STYXL1: variants seen among roughly 807,000 people sequenced by gnomAD.
STYXL1 encodes serine/threonine/tyrosine-interacting-like protein 1.
A neutral mutation model predicts 36.4 loss-of-function variants in STYXL1; 32 were observed. The observed-to-expected ratio is 0.88, with a 90% confidence interval of 0.66 to 1.18. STYXL1 has a LOEUF of 1.18. Among genes scored for constraint, STYXL1 ranks in the 50% most tolerant of loss-of-function variants. The pLI, the probability that STYXL1 is intolerant of heterozygous loss-of-function variation, is 0.00. For missense variants in STYXL1, 354 were observed against 394.1 expected (o/e 0.90, Z 0.86); for synonymous variants, 133 against 144.1 (o/e 0.92, Z 0.55).
At chr7:76,021,151 C>T (rs1794013385) in intron 4 of STYXL1, among the ~76,000 whole-genome samples, 1 of 151,486 alleles carries the variant, frequency 6.6e-6, no homozygotes, top group Admixed American at 6.6e-5. Flanking sequence ...GATCTCCGCT[C>T]ACTGCAAGCT....
chr7:76,005,604 T>G (rs1206818401), intron 5 of STYXL1, among the ~76,000 whole-genome samples, 200 bp from the exon 6 acceptor site: 1 of 152,142 alleles, frequency 6.6e-6, no homozygotes, highest in Non-Finnish European at 1.5e-5. Context: ...ACGAAAGGAC[T>G]GAGCCTCATC....
At chr7:76,010,888 G>A (rs1290693215) in intron 5 of STYXL1, among the ~76,000 whole-genome samples, 1 of 152,150 alleles carries the variant, frequency 6.6e-6, no homozygotes, top group East Asian at 1.9e-4. Flanking sequence ...CTACTAGACT[G>A]TCTTTTTACT....
At chr7:76,036,720 A>G (rs1554580776) in intron 1 of STYXL1, among the ~76,000 whole-genome samples, 1 of 149,864 alleles carries the variant, frequency 6.7e-6, no homozygotes, top group East Asian at 2.0e-4. Flanking sequence ...TTCAAAACAG[A>G]GTCAAAATGG....
At chr7:75,999,876 T>A (rs1247600849) in intron 8 of STYXL1, among the ~76,000 whole-genome samples, 1 of 152,014 alleles carries the variant, frequency 6.6e-6, no homozygotes, top group African/African-American at 2.4e-5. Flanking sequence ...CAATTTTTTT[T>A]AAAGTGGTGT....
At chr7:76,004,401 A>AT (rs869180299) in intron 6 of STYXL1, among the ~76,000 whole-genome samples, 6 of 151,226 alleles carry the variant, frequency 4.0e-5, no homozygotes, top group African/African-American at 1.5e-4. Flanking sequence ...AGCCAAAAAA[A>AT]TTTTTTTAAG....
chr7:76,003,646 C>G (rs1462866958), intron 7 of STYXL1, 112 bp downstream of exon 7: 9 of 994,630 alleles, frequency 9.0e-6, no homozygotes, highest in African/African-American at 1.6e-5. Flanking sequence ...GGCCCTTTCT[C>G]TCTAGAGCAT....
chr7:76,008,234 C>G (rs1341485193), intron 5 of STYXL1, among the ~76,000 whole-genome samples: 3 of 107,886 alleles, frequency 2.8e-5, no homozygotes, highest in African/African-American at 1.0e-4. Flanking sequence ...AAAAAAATCT[C>G]AAAGAAGCTC....
At chr7:75,999,746 A>T (rs1418214937) in intron 8 of STYXL1, among the ~76,000 whole-genome samples, 1 of 151,830 alleles carries the variant, frequency 6.6e-6, no homozygotes, top group East Asian at 1.9e-4. Flanking sequence ...GGGTTTCACT[A>T]TGTTGGCCAG....
chr7:76,046,801 C>T (rs554520729), intron 1 of STYXL1, among the ~76,000 whole-genome samples: 104 of 151,754 alleles, frequency 6.9e-4, no homozygotes, highest in African/African-American at 2.4e-3. Context: ...CAGGTGTACA[C>T]CACCACGCTG....
intron 7 of STYXL1, among the ~76,000 whole-genome samples, chr7:76,003,458 A>G (rs1404956113): frequency 2.0e-5 from 3 of 152,198 alleles, no homozygotes; most frequent in Non-Finnish European, 2.9e-5. Context: ...ACTTGTGGGT[A>G]GCCATCACTC....
intron 5 of STYXL1, among the ~76,000 whole-genome samples, chr7:76,011,348 G>A (rs1267359902): frequency 2.0e-5 from 3 of 152,258 alleles, no homozygotes; most frequent in East Asian, 3.9e-4. Context: ...CATTTCACCC[G>A]TAAATATTTT....
intron 5 of STYXL1, among the ~76,000 whole-genome samples, chr7:76,007,608 C>T (rs1310470809): frequency 1.6e-4 from 25 of 151,950 alleles, no homozygotes; most frequent in Admixed American, 1.2e-3. Flanking sequence ...GGAAACAACA[C>T]GTACATTAGC....
intron 4 of STYXL1, among the ~76,000 whole-genome samples, chr7:76,016,441 G>A (rs183163081): frequency 7.1e-4 from 103 of 145,604 alleles, no homozygotes; most frequent in African/African-American, 2.7e-3. Context: ...ACATATATAC[G>A]CATATATACA....
chr7:76,027,222 C>T (rs903779737), intron 3 of STYXL1, among the ~76,000 whole-genome samples: 38 of 151,524 alleles, frequency 2.5e-4, no homozygotes, highest in African/African-American at 8.5e-4. Context: ...ACCCTGGAGG[C>T]GTGGGGAAAA....
At chr7:76,018,067 T>A (rs1554574591) in intron 4 of STYXL1, among the ~76,000 whole-genome samples, 1 of 151,858 alleles carries the variant, frequency 6.6e-6, no homozygotes, top group African/African-American at 2.4e-5. Flanking sequence ...AGAGTCTCAC[T>A]ATGTTGCCCA....
intron 8 of STYXL1, 42 bp downstream of exon 8, chr7:76,000,847 CA>C (rs781987206): frequency 6.3e-7 from 1 of 1,578,060 alleles, no homozygotes; most frequent in South Asian, 1.1e-5. Context: ...CCTCACCTCC[CA>C]GGGGGTGGCC....
At position 76,021,964 on chromosome 7, in the gene STYXL1, G is replaced by A. The variant is rs143620740; in HGVS notation, c.194C>T (p.Ser65Phe). The A allele has an allele frequency of 5.6e-6, 9 of 1,610,720 alleles. No homozygotes were observed. The highest frequency in any genetic ancestry group is 7.6e-6 in the Non-Finnish European group (9 of 1,179,516). ...GTACTTCACACACTCCAGGTCCACA[G>A]ACTCCGGGAGAAGATATTCATTATT... ...KKNNEYLLPE[S>F]VDLECVKYCV... Residue 65 changes from serine to phenylalanine, a missense_variant, in exon 4 of 9, where the codon TCT becomes TTT. By Grantham distance (155) the Ser-to-Phe change is radical. Transcript: ENST00000359697.
Position 76,015,800 on chromosome 7 carries a change from G to A in STYXL1, c.308-1913C>T, listed in dbSNP as rs553230407. Among the ~76,000 whole-genome samples the A allele has an allele frequency of 3.2e-4, 49 of 152,328 alleles. No individual in the cohort carries two copies. In the South Asian group the frequency reaches 3.5e-3, roughly 11 times the overall value. On this transcript the variant is annotated intron_variant, in intron 4 of 8. Coordinates refer to ENST00000359697, the MANE Select transcript of STYXL1 (RefSeq NM_001317785.2). ...ATTAACATTTGAGTCAGTGGACTGG[G>A]AGAGGCAGACCCACCCTCAATCTGA...
At chr7:76,025,620 T>C (rs1554577465) in intron 3 of STYXL1, among the ~76,000 whole-genome samples, 1 of 151,990 alleles carries the variant, frequency 6.6e-6, no homozygotes, top group African/African-American at 2.4e-5. Flanking sequence ...CGAAACTCCA[T>C]CTCTACTAAA....
Sources: allele counts gnomAD v4.1 joint callset (sites outside exome capture counted in the v4.1 genomes callset), GRCh38; gene constraint gnomAD v4.1.1; transcripts MANE v1.5; gene names NCBI Gene and HGNC (gene_info 2026-07-23, HGNC 2026-07-21).